Variants in TMEM161B observed in about 807,000 individuals in gnomAD.
TMEM161B encodes transmembrane protein 161B.
In TMEM161B, 34 loss-of-function variants were observed where a neutral mutation model predicts 61.8. The observed-to-expected ratio is 0.55, with a 90% CI of 0.42 to 0.73. The LOEUF (loss-of-function observed/expected upper bound fraction) is 0.73. Among genes scored for constraint, TMEM161B ranks in the 30% least tolerant of loss-of-function variants. TMEM161B has a pLI of 0.00. For synonymous variants in TMEM161B, 167 were observed against 192.8 expected, an observed-to-expected ratio of 0.87 and a Z score of 1.11; for missense variants, 456 against 558.5, an observed-to-expected ratio of 0.82 and a Z score of 1.85.
chr5:88,239,734 A>G (rs1220483318), intron 2 of TMEM161B, among the ~76,000 whole-genome samples: 1 of 152,000 alleles, frequency 6.6e-6, no homozygotes, highest in Non-Finnish European at 1.5e-5. Flanking sequence ...AAAAAGTAGA[A>G]AGCACAGAGA....
chr5:88,186,104 T>A (rs1748345203), downstream of TMEM161B, among the ~76,000 whole-genome samples: 2 of 152,228 alleles, frequency 1.3e-5, no homozygotes, highest in Non-Finnish European at 2.9e-5. Flanking sequence ...ACTCCACATG[T>A]CTGAGTATGT....
At chr5:88,192,771 A>T (rs986227195), downstream of TMEM161B, among the ~76,000 whole-genome samples, 1 of 152,250 alleles carries the variant, frequency 6.6e-6, no homozygotes, top group Non-Finnish European at 1.5e-5. Flanking sequence ...ACCTTGATAG[A>T]ACATCTTCAA....
chr5:88,264,525 T>C (rs1331345164), intron 1 of TMEM161B, among the ~76,000 whole-genome samples: 4 of 152,174 alleles, frequency 2.6e-5, no homozygotes. Context: ...GACAGTGTGG[T>C]GATTCCTCAA....
At position 88,222,913 on chromosome 5, in the gene TMEM161B, T is replaced by G. The variant is rs893581818; in HGVS notation, c.290-2194A>C. On this transcript the variant is annotated intron_variant, in intron 4 of 11. Transcript: ENST00000296595. The stretch of plus-strand genomic sequence containing the variant: ...AAGTTAAGACAGAAAACCCCATACT[T>G]TCACCTAATCACATATATACAACAT... 2.0e-5 allele frequency among the ~76,000 whole-genome samples: 3 copies of G among 152,104 alleles called. No homozygotes were observed. The South Asian group carries it at 6.2e-4, about 32-fold the overall frequency.
At chr5:88,259,619 A>G (rs569867134) in intron 1 of TMEM161B, among the ~76,000 whole-genome samples, 82 of 152,326 alleles carry the variant, frequency 5.4e-4, no homozygotes, top group Admixed American at 1.3e-3. Flanking sequence ...CCTTCAGTGG[A>G]TGCAGTTAAG....
At chr5:88,254,991 T>A (rs898278087) in intron 1 of TMEM161B, among the ~76,000 whole-genome samples, 1 of 151,678 alleles carries the variant, frequency 6.6e-6, no homozygotes, top group African/African-American at 2.4e-5. Context: ...AAAGAAAAAT[T>A]TGAAGAATAA....
At chr5:88,248,981 C>G (rs538354178) in intron 1 of TMEM161B, among the ~76,000 whole-genome samples, 2 of 152,146 alleles carry the variant, frequency 1.3e-5, no homozygotes, top group East Asian at 3.9e-4. Flanking sequence ...ACCACTGACA[C>G]ATTAGGTATT....
intron 1 of TMEM161B, among the ~76,000 whole-genome samples, chr5:88,254,303 A>G (rs1418129998): frequency 1.3e-5 from 2 of 152,194 alleles, no homozygotes; most frequent in African/African-American, 4.8e-5. Context: ...ACCTTCCAGT[A>G]GATAGAGTTA....
downstream of TMEM161B, chr5:88,190,260 T>G: frequency 1.4e-6 from 1 of 700,796 alleles, no homozygotes; most frequent in Admixed American, 2.0e-5. Flanking sequence ...CCTTGCATTA[T>G]GCTGTCGGCA....
intron 8 of TMEM161B, among the ~76,000 whole-genome samples, chr5:88,204,383 G>T (rs891092657): frequency 1.3e-5 from 2 of 152,046 alleles, no homozygotes; most frequent in African/African-American, 4.8e-5. Context: ...TTACTAAAAA[G>T]GACACTAAAA....
chr5:88,224,940 C>T (rs955350786), intron 4 of TMEM161B, among the ~76,000 whole-genome samples: 12 of 149,174 alleles, frequency 8.0e-5, no homozygotes, highest in African/African-American at 2.5e-4. Flanking sequence ...GTATATAATA[C>T]ACATAACACA....
At chr5:88,255,559 T>C (rs1352398769) in intron 1 of TMEM161B, among the ~76,000 whole-genome samples, 4 of 152,226 alleles carry the variant, frequency 2.6e-5, no homozygotes, top group Middle Eastern at 3.2e-3. Flanking sequence ...CAATTTCATA[T>C]AGTTCATCTT....
At chr5:88,225,577 G>A (rs954284784) in intron 4 of TMEM161B, among the ~76,000 whole-genome samples, 192 bp downstream of exon 4, 9 of 152,036 alleles carry the variant, frequency 5.9e-5, no homozygotes, top group South Asian at 2.1e-4. Context: ...AGCCTCTTCC[G>A]AAAATAGGAA....
intron 1 of TMEM161B, among the ~76,000 whole-genome samples, chr5:88,263,624 G>C (rs1470634699): frequency 1.3e-5 from 2 of 151,868 alleles, no homozygotes; most frequent in Non-Finnish European, 2.9e-5. Flanking sequence ...TACTAACATG[G>C]GCAAAACCAC....
In TMEM161B at chr5:88,203,068, G is replaced by C; in HGVS notation, c.808C>G (p.Leu270Val). The stretch of plus-strand genomic sequence containing the variant: ...AAAGGTGCCAAGAAGTTGATATGAA[G>C]TAAAGTTCTGAAAGTACGTAAGAAA... Reference protein sequence around the residue: ...LATEKITQTLLHINFLAPLFM... With the variant: ...LATEKITQTLVHINFLAPLFM... Residue 270 changes from leucine (L) to valine (V), a missense_variant, in exon 9 of 12, where the codon CTT becomes GTT. Physicochemically the swap from Leu to Val is conservative, Grantham distance 32. This residue lies in a region of TMEM161B where 367 missense variants were observed against 427.3 expected (regional missense o/e 0.86). Transcript: ENST00000296595. 6.4e-7 allele frequency: 1 copy of C among 1,571,002 alleles called. No homozygotes were observed. The highest frequency in any genetic ancestry group is 8.8e-7 in the Non-Finnish European group (1 of 1,141,980).
chr5:88,216,220 TG>T lies in TMEM161B; in HGVS notation c.446+4342del, dbSNP rs1450431443. Among the ~76,000 whole-genome samples, 6 of 152,070 alleles carry T rather than the reference TG, an allele frequency of 3.9e-5. No individual in the cohort carries two copies. In the East Asian group the frequency reaches 1.2e-3, roughly 29 times the overall value. ...AGGACTGTGCAACTGCACAACAACT[TG>T]GGTGACAGAGTGAGACCTTGTCTCT... On this transcript the variant is annotated intron_variant, in intron 5 of 11. Transcript: ENST00000296595.
chr5:88,230,894 C>T (rs1355516267), intron 2 of TMEM161B, among the ~76,000 whole-genome samples: 1 of 152,166 alleles, frequency 6.6e-6, no homozygotes, highest in Non-Finnish European at 1.5e-5. Flanking sequence ...TTATCAGAAA[C>T]ACCAAGCACA....
intron 5 of TMEM161B, among the ~76,000 whole-genome samples, chr5:88,213,846 T>C (rs1425236641): frequency 6.6e-6 from 1 of 152,180 alleles, no homozygotes; most frequent in Non-Finnish European, 1.5e-5. Flanking sequence ...ATAAAACAAG[T>C]ACCTTGGCTC....
At chr5:88,236,358 G>A (rs1751848772) in intron 2 of TMEM161B, among the ~76,000 whole-genome samples, 1 of 152,058 alleles carries the variant, frequency 6.6e-6, no homozygotes, top group South Asian at 2.1e-4. Flanking sequence ...CAGAGAAAAA[G>A]CAGTATCCTA....
Sources: allele counts gnomAD v4.1 joint callset (sites outside exome capture counted in the v4.1 genomes callset), GRCh38; gene constraint gnomAD v4.1.1; regional missense constraint gnomAD v4.1.1; transcripts MANE v1.5; gene names NCBI Gene and HGNC (gene_info 2026-07-23, HGNC 2026-07-21).